Variants in MLXIP observed in about 807,000 individuals in gnomAD.
The protein encoded by MLXIP is MLX interacting protein.
Under a neutral mutation model 87.2 loss-of-function variants are expected in MLXIP, and 30 were observed. The observed-to-expected ratio is 0.34, with a 90% CI of 0.26 to 0.47. MLXIP has a LOEUF of 0.47. Ranked by LOEUF, MLXIP falls within the 20% of genes least tolerant of loss-of-function variation. The pLI, the probability that MLXIP is intolerant of heterozygous loss-of-function variation, is 1.00. For missense variants in MLXIP, 1,002 were observed against 1,240.1 expected, an observed-to-expected ratio of 0.81 and a Z score of 2.88; for synonymous variants, 530 against 514.0, an observed-to-expected ratio of 1.03 and a Z score of -0.42.
intron 9 of MLXIP, 91 bp downstream of exon 9, chr12:122,134,078 C>T: frequency 7.0e-7 from 1 of 1,421,652 alleles, no homozygotes; most frequent in African/African-American, 1.4e-5. Context: ...GTGACCACCA[C>T]CACCACCCTG....
rs59587186 is a variant in MLXIP, at chr12:122,135,159, C to T, written c.1733-65C>T. Reference sequence around the variant, plus strand: ...GCTGTCTCACTGGCAGAGAGGCAGCCTCTGCAGGGTGGGCCAGGCCCTGTG... The same window carrying T: ...GCTGTCTCACTGGCAGAGAGGCAGCTTCTGCAGGGTGGGCCAGGCCCTGTG... On this transcript the variant is annotated intron_variant, in intron 9 of 16. Coordinates refer to ENST00000319080, the MANE Select transcript of MLXIP (RefSeq NM_014938.6). This position sits in a 1 kb window ranked among gnomAD's most constrained non-coding sequence, Gnocchi z 5.3. 2.3e-3 allele frequency: 3,648 copies of T among 1,588,742 alleles called. 79 individuals carry two copies. The African/African-American group carries it at 0.043, about 19-fold the overall frequency.
chr12:122,128,255 A>C (rs1952914086), intron 3 of MLXIP: 7 of 360,028 alleles, frequency 1.9e-5, no homozygotes, highest in Non-Finnish European at 3.7e-5. Context: ...ATGCACAGGA[A>C]GTGTCTAGAG....
At chr12:122,093,755 G>T (rs1171845340) in intron 1 of MLXIP, among the ~76,000 whole-genome samples, 2 of 140,546 alleles carry the variant, frequency 1.4e-5, no homozygotes, top group African/African-American at 2.7e-5. Flanking sequence ...TGTGGTGTGG[G>T]TGTAGTGTGT....
intron 1 of MLXIP, among the ~76,000 whole-genome samples, chr12:122,116,103 A>G (rs1026404389): frequency 3.4e-5 from 5 of 148,914 alleles, no homozygotes; most frequent in Non-Finnish European, 5.9e-5. Context: ...TGACATTTCA[A>G]TGACTGTAAA....
chr12:122,094,525 GT>G (rs1952315578), intron 1 of MLXIP, among the ~76,000 whole-genome samples: 4 of 122,696 alleles, frequency 3.3e-5, no homozygotes, highest in Non-Finnish European at 7.0e-5. Flanking sequence ...TGGTGTGTGT[GT>G]TGTGTGTGGT....
intron 1 of MLXIP, among the ~76,000 whole-genome samples, chr12:122,085,229 A>C (rs898126348): frequency 2.6e-5 from 4 of 151,934 alleles, no homozygotes; most frequent in African/African-American, 9.7e-5. Flanking sequence ...AGGCACCCTG[A>C]TGTCATTCGG....
chr12:122,146,124 G>C lies in MLXIP; in HGVS notation c.*4312G>C, dbSNP rs532529823. On this transcript the variant is annotated 3_prime_UTR_variant, in exon 17 of 17. Transcript: ENST00000319080. ...AAGGAGGGCTGGACAGCACTGATCC[G>C]GGCAGGCAGCGTGTGCAGCAGTGGC... The C allele has an allele frequency of 1.3e-5, 2 of 152,522 alleles. No individual in the cohort carries two copies. Among genetic ancestry groups the C allele is most frequent in the Admixed American group, 1.3e-4 (2 of 15,308 alleles). The allele number at this position is 152,522 out of a possible 1,614,324, so 9.4% of individuals were successfully genotyped here. A position where few individuals can be genotyped will look rare whatever the true frequency, so the allele number is the denominator to read the frequency against.
In MLXIP at chr12:122,137,176, G is replaced by A; in HGVS notation, c.2033-293G>A. On this transcript the variant is annotated intron_variant, in intron 11 of 16. Coordinates refer to ENST00000319080, the MANE Select transcript of MLXIP (RefSeq NM_014938.6). The surrounding 1 kb of genome is among the most constrained non-coding windows in gnomAD (Gnocchi z 4.1). ...AATTAAAAAATATAATAATAATAAA[G>A]AGCCCACCTGCGAAATATCTCGTAA... is the stretch of plus-strand genomic sequence containing the variant. 4.5e-6 allele frequency: 1 copy of A among 222,382 alleles called. No homozygotes were observed. Among genetic ancestry groups the A allele is most frequent in the Non-Finnish European group, 8.7e-6 (1 of 114,914 alleles). The allele number at this position is 222,382 out of a possible 1,614,324, so 13.8% of individuals were successfully genotyped here.
rs1953106479 is a variant in MLXIP at position 122,137,081 on chromosome 12, C to T, written c.2033-388C>T. On this transcript the variant is annotated intron_variant, in intron 11 of 16. Transcript: ENST00000319080. The surrounding 1 kb of genome is among the most constrained non-coding windows in gnomAD (Gnocchi z 4.1). ...TTGGGAGGCAGAGGCAGGTGGATCG[C>T]TTGAGCCCAGGAGATTGAGACCAGC... 6.5e-6 allele frequency: 1 copy of T among 152,762 alleles called. No individual in the cohort carries two copies. The highest frequency in any genetic ancestry group is 2.1e-4 in the South Asian group (1 of 4,828). The allele number at this position is 152,762 out of a possible 1,614,324, so 9.5% of individuals were successfully genotyped here.
intron 1 of MLXIP, among the ~76,000 whole-genome samples, chr12:122,081,311 T>A (rs989653746): frequency 9.9e-5 from 15 of 152,204 alleles, no homozygotes; most frequent in African/African-American, 3.6e-4. Context: ...CAGTCATTTC[T>A]CATGAAGATG....
chr12:122,133,362 G>C lies in MLXIP; in HGVS notation c.1107G>C (p.Pro369=). ...TCCTTTTTCAGGAGAGCATCCTGCC[G>C]ACCACAGCCCTCCCCACTGTGAGCC... is the stretch of plus-strand genomic sequence containing the variant. The part of the protein sequence containing the change: ...NNPPAQESIL[P]TTALPTVSLP... Residue 369 remains proline (P), a synonymous_variant, in exon 9 of 17, where the codon CCG becomes CCC. Transcript: ENST00000319080. This position sits in a 1 kb window ranked among gnomAD's most constrained non-coding sequence, Gnocchi z 4.9. The C allele has an allele frequency of 5.7e-6, 9 of 1,565,938 alleles. No individual in the cohort carries two copies. Among genetic ancestry groups the C allele is most frequent in the Non-Finnish European group, 7.8e-6 (9 of 1,152,922 alleles).
At chr12:122,139,082 C>A in intron 15 of MLXIP, 144 bp downstream of exon 15, 2 of 1,321,644 alleles carry the variant, frequency 1.5e-6, no homozygotes, top group East Asian at 2.5e-5. Context: ...GTGTCTATCT[C>A]GGGAGAGAGT....
rs1024980477 is a variant in MLXIP, at chr12:122,121,748, C to T, written c.414-5508C>T. ...CTTGCAATTTAATTTCCTTCCATTCCAAAGCAGTCTCTTGCCAGCCCTCTG... is the reference window on the plus strand; with the variant it reads ...CTTGCAATTTAATTTCCTTCCATTCTAAAGCAGTCTCTTGCCAGCCCTCTG... On this transcript the variant is annotated intron_variant, in intron 1 of 16. Coordinates refer to ENST00000319080, the MANE Select transcript of MLXIP (RefSeq NM_014938.6). Among the ~76,000 whole-genome samples the T allele has an allele frequency of 4.6e-5, 7 of 152,252 alleles. No homozygotes were observed. In the South Asian group the frequency reaches 1.5e-3, roughly 32 times the overall value.
At position 122,133,232 on chromosome 12, in the gene MLXIP, C is replaced by A. The variant is rs1268737001; in HGVS notation, c.1093-116C>A. The A allele has an allele frequency of 2.2e-5, 27 of 1,211,792 alleles. No homozygotes were observed. The South Asian group carries it at 2.3e-4, about 10-fold the overall frequency. 75.1% of individuals were successfully genotyped at this position (1,211,792 alleles called of 1,614,324 possible). A position where few individuals can be genotyped will look rare whatever the true frequency, so the allele number is the denominator to read the frequency against. Reference sequence around the variant, plus strand: ...AGCAGCCATGGACGTGGAGACGTGGCCTTTGTCCCTCTGTCCCAGCGCCCG... The same window carrying A: ...AGCAGCCATGGACGTGGAGACGTGGACTTTGTCCCTCTGTCCCAGCGCCCG... On this transcript the variant is annotated intron_variant, in intron 8 of 16. Transcript: ENST00000319080. This position sits in a 1 kb window ranked among gnomAD's most constrained non-coding sequence, Gnocchi z 4.9.
intron 8 of MLXIP, 141 bp downstream of exon 8, chr12:122,132,524 T>C (rs908993696): frequency 1.7e-5 from 11 of 654,390 alleles, no homozygotes; most frequent in Admixed American, 1.3e-4. Flanking sequence ...CCAGCACTAA[T>C]GTGCAGAGGC....
intron 2 of MLXIP, among the ~76,000 whole-genome samples, chr12:122,127,602 G>A (rs555587586): frequency 1.8e-4 from 28 of 152,270 alleles, no homozygotes; most frequent in African/African-American, 6.5e-4. Flanking sequence ...TCATGGATCC[G>A]GTAGCTTCTC....
rs1952948060 is a variant in MLXIP at position 122,129,979 on chromosome 12, A to G, written c.777A>G (p.Gly259=). The G allele has an allele frequency of 1.2e-6, 2 of 1,613,796 alleles. No homozygotes were observed. Among genetic ancestry groups the G allele is most frequent in the Admixed American group, 1.7e-5 (1 of 59,986 alleles). The change falls in exon 6 of 17, where the codon GGA becomes GGG. Residue 259 remains glycine (G), a synonymous_variant. Coordinates refer to ENST00000319080, the MANE Select transcript of MLXIP (RefSeq NM_014938.6). ...TGTATTGGCACAAGCACGGGGATGG[A>G]TGGAAGACCCCCGTCCCCATGGAGG... is the stretch of plus-strand genomic sequence containing the variant. The part of the protein sequence containing the change: ...DMLYWHKHGD[G]WKTPVPMEED...
chr12:122,138,324 A>G, intron 13 of MLXIP, 29 bp downstream of exon 13: 1 of 1,612,074 alleles, frequency 6.2e-7, no homozygotes, highest in Non-Finnish European at 8.5e-7. Context: ...GGGCTGTGGC[A>G]GGGCAGGGGA....
At chr12:122,103,883 C>T (rs1026097042) in intron 1 of MLXIP, among the ~76,000 whole-genome samples, 4 of 150,382 alleles carry the variant, frequency 2.7e-5, no homozygotes, top group African/African-American at 9.8e-5. Flanking sequence ...CTGTGTTGTC[C>T]AGGCTGGTCT....
Sources: gnomAD v4.1 joint callset for allele counts (sites outside exome capture counted in the v4.1 genomes callset) on GRCh38, gnomAD v4.1.1 for gene constraint, Gnocchi (gnomAD v3.1) non-coding constraint, MANE v1.5 for transcripts, NCBI Gene and HGNC (gene_info 2026-07-23, HGNC 2026-07-21) for gene names.